Variants in SLC5A10 observed in about 807,000 individuals in gnomAD.
SLC5A10 encodes solute carrier family 5 member 10, also known as sodium/mannose cotransporter SLC5A10.
Under a neutral mutation model 68.9 loss-of-function variants are expected in SLC5A10, and 55 were observed. The ratio of observed to expected loss-of-function variants is 0.80; its 90% CI spans 0.64 to 1.00. The LOEUF is 1.00. Among genes scored for constraint, SLC5A10 ranks in the 50% least tolerant of loss-of-function variants. The pLI is 0.00. For synonymous variants in SLC5A10, 344 were observed against 344.8 expected (o/e 1.00, Z 0.02); for missense variants, 732 against 819.3 (o/e 0.89, Z 1.30).
chr17:18,978,395 T>A, intron 9 of SLC5A10: 1 of 1,590,590 alleles, frequency 6.3e-7, no homozygotes, highest in Non-Finnish European at 8.6e-7. Flanking sequence ...GCCCAGGATG[T>A]CGCTGCCAGG....
rs1015293155 is a variant in SLC5A10, at chr17:19,018,381, G to A, written c.1242-1042G>A. The A allele has an allele frequency of 1.3e-5, 2 of 152,302 alleles. No individual in the cohort carries two copies. The highest frequency in any genetic ancestry group is 4.8e-5 in the African/African-American group (2 of 41,404). 9.4% of individuals were successfully genotyped at this position (152,302 alleles called of 1,614,324 possible). A position where few individuals can be genotyped will look rare whatever the true frequency, so the allele number is the denominator to read the frequency against. On this transcript the variant is annotated intron_variant, in intron 11 of 14. Transcript: ENST00000395645. The surrounding 1 kb of genome is among the most constrained non-coding windows in gnomAD (Gnocchi z 4.2). The stretch of plus-strand genomic sequence containing the variant: ...CTGGGTCCCATGCCCCTCAAGGCTC[G>A]GGGAGGGGGTGCCTCCTCCTGAAAG...
intron 9 of SLC5A10, among the ~76,000 whole-genome samples, chr17:18,991,044 C>G (rs2043409519): frequency 6.6e-6 from 1 of 152,166 alleles, no homozygotes. Context: ...CAGCTGTTAC[C>G]TTGTTCAGGC....
Position 18,971,399 on chromosome 17 carries a change from T to C in SLC5A10, c.846+181T>C, listed in dbSNP as rs747449506. On this transcript the variant is annotated intron_variant, in intron 8 of 14. Coordinates refer to ENST00000395645, the MANE Select transcript of SLC5A10 (RefSeq NM_001042450.4). The surrounding 1 kb of genome is among the most constrained non-coding windows in gnomAD (Gnocchi z 5.5). ...GTCCCGGGGGGCTTGAGCCCTCCGT[T>C]TAGAATCCGATGAGGCCCACTGGCT... The C allele has an allele frequency of 5.0e-6, 8 of 1,613,608 alleles. No homozygotes were observed. The African/African-American group carries it at 1.1e-4, about 22-fold the overall frequency.
chr17:18,968,793 G>T lies in SLC5A10; in HGVS notation c.454-259G>T. On this transcript the variant is annotated intron_variant, in intron 5 of 14. Coordinates refer to ENST00000395645, the MANE Select transcript of SLC5A10 (RefSeq NM_001042450.4). This position sits in a 1 kb window ranked among gnomAD's most constrained non-coding sequence, Gnocchi z 4.1. Reference sequence around the variant, plus strand: ...CAGATTCAATAACAACACTGCTTTTGGGAAAGGCATTGGCCACTTTGGACT... The same window carrying T: ...CAGATTCAATAACAACACTGCTTTTTGGAAAGGCATTGGCCACTTTGGACT... 2.0e-6 allele frequency: 1 copy of T among 500,678 alleles called. No individual in the cohort carries two copies. The highest frequency in any genetic ancestry group is 3.3e-5 in the East Asian group (1 of 30,070). The allele number at this position is 500,678 out of a possible 1,614,324, so 31.0% of individuals were successfully genotyped here.
chr17:18,985,523 G>A (rs938825701), intron 9 of SLC5A10, among the ~76,000 whole-genome samples: 2 of 152,078 alleles, frequency 1.3e-5, no homozygotes, highest in Admixed American at 6.6e-5. Flanking sequence ...AGGGATTATC[G>A]GCAAAGGAAG....
Position 18,971,135 on chromosome 17 carries a change from G to C in SLC5A10, c.763G>C (p.Asp255His), listed in dbSNP as rs150991947. Residue 255 changes from aspartate to histidine, a missense_variant, in exon 8 of 15, where the codon GAC becomes CAC. Asp to His is a moderately conservative substitution (Grantham distance 81). Coordinates refer to ENST00000395645, the MANE Select transcript of SLC5A10 (RefSeq NM_001042450.4). The surrounding 1 kb of genome is among the most constrained non-coding windows in gnomAD (Gnocchi z 5.5). ...PRTDAMHMFR[D>H]PHTGDLPWTG... ...TACAGACGCCATGCACATGTTTCGA[G>C]ACCCCCACACAGGGGACCTGCCGTG... is the stretch of plus-strand genomic sequence containing the variant. The C allele has an allele frequency of 6.2e-6, 10 of 1,613,976 alleles. No homozygotes were observed. In the African/African-American group the frequency reaches 9.3e-5, roughly 15 times the overall value.
At chr17:18,965,853 G>C (rs2042698795) in intron 5 of SLC5A10, among the ~76,000 whole-genome samples, 1 of 152,232 alleles carries the variant, frequency 6.6e-6, no homozygotes. Flanking sequence ...AGCAGGAAGG[G>C]CACGTCCTTG....
chr17:19,002,331 C>A (rs2043751665), intron 9 of SLC5A10, among the ~76,000 whole-genome samples: 1 of 152,204 alleles, frequency 6.6e-6, no homozygotes, highest in Non-Finnish European at 1.5e-5. Context: ...CAACTGGTCC[C>A]CTTGTTGGGC....
intron 9 of SLC5A10, among the ~76,000 whole-genome samples, chr17:19,010,696 G>A (rs2043995774): frequency 6.6e-6 from 1 of 152,146 alleles, no homozygotes; most frequent in South Asian, 2.1e-4. Flanking sequence ...CTCCCAGGAG[G>A]GCTGGGTCCT....
At chr17:19,001,950 T>C (rs1005320993) in intron 9 of SLC5A10, among the ~76,000 whole-genome samples, 3 of 152,128 alleles carry the variant, frequency 2.0e-5, no homozygotes, top group African/African-American at 7.2e-5. Flanking sequence ...AAGATGGAAG[T>C]GGAGGCTGGG....
chr17:18,955,638 C>T (rs1321844066), intron 1 of SLC5A10, among the ~76,000 whole-genome samples: 4 of 152,254 alleles, frequency 2.6e-5, no homozygotes, highest in South Asian at 2.1e-4. Context: ...CAGTGCACAG[C>T]GTACACATCT....
chr17:19,017,173 G>A lies in SLC5A10; in HGVS notation c.1241+1974G>A. The A allele has an allele frequency of 1.1e-6, 1 of 947,582 alleles. No individual in the cohort carries two copies. Among genetic ancestry groups the A allele is most frequent in the South Asian group, 1.6e-5 (1 of 63,542 alleles). 58.7% of individuals were successfully genotyped at this position (947,582 alleles called of 1,614,324 possible). A position where few individuals can be genotyped will look rare whatever the true frequency, so the allele number is the denominator to read the frequency against. ...CACAAGGCTGCGTGGTGCAGGGCAG[G>A]TTGCTCACCCTCTCTGGGCCCCAGT... On this transcript the variant is annotated intron_variant, in intron 11 of 14. Transcript: ENST00000395645. The surrounding 1 kb of genome is among the most constrained non-coding windows in gnomAD (Gnocchi z 5.6).
rs1205068462 is a variant in SLC5A10, at chr17:18,978,997, T to C, written c.982+2008T>C. The C allele has an allele frequency of 4.5e-6, 4 of 885,492 alleles. No homozygotes were observed. In the East Asian group the frequency reaches 1.1e-4, roughly 23 times the overall value. The allele number at this position is 885,492 out of a possible 1,614,324, so 54.9% of individuals were successfully genotyped here. ...ATGGGGGCAGAGAGCAGGTGCATAC[T>C]GTGGGGTCAGACTGAGTCGGATGTC... On this transcript the variant is annotated intron_variant, in intron 9 of 14. Coordinates refer to ENST00000395645, the MANE Select transcript of SLC5A10 (RefSeq NM_001042450.4).
In SLC5A10 at chr17:18,968,874, A is replaced by C; in HGVS notation, c.454-178A>C. ...CGCACAAGCTTGTAGCTCCACGGCC[A>C]GGTCTTCCCCCAACCTCACAATGGC... On this transcript the variant is annotated intron_variant, in intron 5 of 14. Transcript: ENST00000395645. The surrounding 1 kb of genome is among the most constrained non-coding windows in gnomAD (Gnocchi z 4.1). 1.7e-6 allele frequency: 1 copy of C among 597,616 alleles called. No individual in the cohort carries two copies. The allele number at this position is 597,616 out of a possible 1,614,324, so 37.0% of individuals were successfully genotyped here.
At chr17:18,985,314 G>A (rs1313276611) in intron 9 of SLC5A10, among the ~76,000 whole-genome samples, 13 of 152,198 alleles carry the variant, frequency 8.5e-5, no homozygotes, top group Non-Finnish European at 2.9e-5. Context: ...AGGATTCAGT[G>A]ACTCTGCCCA....
chr17:18,970,831 C>A, intron 7 of SLC5A10, 182 bp from the exon 8 acceptor site: 1 of 600,642 alleles, frequency 1.7e-6, no homozygotes, highest in South Asian at 2.0e-5. Context: ...CATTCAAATA[C>A]ACCTTAAAAA....
At chr17:18,999,949 G>A (rs1347031323) in intron 9 of SLC5A10, among the ~76,000 whole-genome samples, 1 of 152,222 alleles carries the variant, frequency 6.6e-6, no homozygotes, top group African/African-American at 2.4e-5. Context: ...TCCTGTTGAG[G>A]GGGGCTCAGC....
intron 8 of SLC5A10, chr17:18,976,113 C>T (rs943461804): frequency 7.5e-5 from 11 of 146,170 alleles, no homozygotes; most frequent in East Asian, 4.1e-4. Flanking sequence ...GGCGTGAACC[C>T]GGAGGCGGAG....
chr17:19,007,761 AT>A (rs1382781512), intron 9 of SLC5A10, among the ~76,000 whole-genome samples: 1 of 152,218 alleles, frequency 6.6e-6, no homozygotes, highest in Non-Finnish European at 1.5e-5. Flanking sequence ...AAAGTTTTAA[AT>A]GTTGATGAGG....
Sources: allele counts gnomAD v4.1 joint callset (sites outside exome capture counted in the v4.1 genomes callset), GRCh38; gene constraint gnomAD v4.1.1; non-coding constraint Gnocchi (gnomAD v3.1); transcripts MANE v1.5; gene names NCBI Gene and HGNC (gene_info 2026-07-23, HGNC 2026-07-21).